GCFC2: variants seen among roughly 807,000 people sequenced by gnomAD.
GCFC2 encodes the protein intron Large complex component GCFC2.
In GCFC2, 102 loss-of-function variants were observed where a neutral mutation model predicts 99.4. The observed-to-expected ratio is 1.03, with a 90% confidence interval of 0.87 to 1.21. The LOEUF (loss-of-function observed/expected upper bound fraction) is 1.21. GCFC2 is among the 50% of genes most tolerant of loss of function. The probability of loss-of-function intolerance (pLI) is 0.00; values close to 1 mark genes in which losing one functional copy is unlikely to be tolerated. For missense variants in GCFC2, 973 were observed against 920.9 expected (o/e 1.06, Z -0.73); for synonymous variants, 338 against 316.8 (o/e 1.07, Z -0.71).
intron 13 of GCFC2, among the ~76,000 whole-genome samples, chr2:75,673,127 G>A (rs753463110): frequency 6.6e-6 from 1 of 152,108 alleles, no homozygotes; most frequent in Non-Finnish European, 1.5e-5. Context: ...TGGCTAACAT[G>A]GTGAAACCCC....
chr2:75,712,742 G>C (rs1304132129), upstream of GCFC2, among the ~76,000 whole-genome samples: 1 of 152,016 alleles, frequency 6.6e-6, no homozygotes, highest in Non-Finnish European at 1.5e-5. Flanking sequence ...CCAGAAGGAA[G>C]AAACTCCAAA....
At chr2:75,711,711 C>T (rs896375874), upstream of GCFC2, among the ~76,000 whole-genome samples, 2 of 152,220 alleles carry the variant, frequency 1.3e-5, no homozygotes, top group African/African-American at 4.8e-5. Context: ...AGGGACTTGG[C>T]ACCCGGGCCA....
chr2:75,686,599 C>T lies in GCFC2; in HGVS notation c.1690+1228G>A, dbSNP rs567909930. On this transcript the variant is annotated intron_variant, in intron 11 of 16. Transcript: ENST00000321027. ...TCTAAAAAAATCTTTTAAAAATTAG[C>T]TGGGTATGGTGGCACGCGCCTGGAG... is the stretch of plus-strand genomic sequence containing the variant. 1.4e-4 allele frequency among the ~76,000 whole-genome samples: 22 copies of T among 152,138 alleles called. No homozygotes were observed. The East Asian group carries it at 3.7e-3, about 25-fold the overall frequency.
rs780470265 is a variant in GCFC2 at position 75,706,553 on chromosome 2, A to G, written c.364T>C (p.Ser122Pro). ...DQGLSSDSSS[S>P]LGEKELSSTV... ...GATGAAAGTTCTTTTTCTCCAAGAG[A>G]GCTAGAACTGTCAGAAGACAAACCC... Residue 122 changes from serine to proline, a missense_variant, in exon 2 of 17, where the codon TCT becomes CCT. By Grantham distance (74) the Ser-to-Pro change is moderately conservative. Coordinates refer to ENST00000321027, the MANE Select transcript of GCFC2 (RefSeq NM_003203.5). The G allele has an allele frequency of 1.2e-6, 2 of 1,604,726 alleles. No individual in the cohort carries two copies. The highest frequency in any genetic ancestry group is 1.7e-6 in the Non-Finnish European group (2 of 1,172,224).
At chr2:75,669,827 C>T (rs142897546) in intron 15 of GCFC2, among the ~76,000 whole-genome samples, 92 of 152,064 alleles carry the variant, frequency 6.1e-4, no homozygotes, top group African/African-American at 1.7e-3. Context: ...TGGGTTCAGG[C>T]GATTCTTCTG....
intron 7 of GCFC2, among the ~76,000 whole-genome samples, chr2:75,691,121 C>T (rs1244716981): frequency 6.6e-6 from 1 of 152,160 alleles, no homozygotes; most frequent in African/African-American, 2.4e-5. Flanking sequence ...GAACCCCAGT[C>T]GATGCCTGAA....
chr2:75,665,711 T>C (rs3213670), intron 16 of GCFC2, among the ~76,000 whole-genome samples: 15,299 of 152,284 alleles, frequency 0.1, 814 homozygotes, highest in Non-Finnish European at 0.13. Context: ...CCCTGTGCTA[T>C]AGTTTTTTGA....
chr2:75,673,300 T>A, intron 13 of GCFC2, 144 bp downstream of exon 13: 3 of 595,464 alleles, frequency 5.0e-6, no homozygotes. Flanking sequence ...AGAGTGAGAC[T>A]CAGTCTCAAA....
intron 13 of GCFC2, 41 bp from the exon 14 acceptor site, chr2:75,672,057 A>C: frequency 9.1e-7 from 1 of 1,093,832 alleles, no homozygotes; most frequent in Non-Finnish European, 1.4e-6. Context: ...AATGCAAAGA[A>C]CTATTAGTCT....
intron 3 of GCFC2, 34 bp downstream of exon 3, chr2:75,702,165 A>G: frequency 6.3e-7 from 1 of 1,584,610 alleles, no homozygotes. Context: ...CTAATAAAAA[A>G]TATCCTAATC....
At chr2:75,694,173 A>T in intron 6 of GCFC2, 68 bp downstream of exon 6, 1 of 450,060 alleles carries the variant, frequency 2.2e-6, no homozygotes, top group Non-Finnish European at 4.0e-6. Flanking sequence ...TGAGATTTAG[A>T]CTTTTCTTAA....
At chr2:75,687,726 T>C (rs563356789) in intron 11 of GCFC2, 101 bp downstream of exon 11, 452 of 920,106 alleles carry the variant, frequency 4.9e-4, no homozygotes, top group Non-Finnish European at 7.0e-4. Flanking sequence ...TTCCTTGAGA[T>C]TAAAAACTTA....
Position 75,710,758 on chromosome 2 carries a change from C to G in GCFC2, c.98G>C (p.Arg33Thr), listed in dbSNP as rs1052943874. Residue 33 changes from arginine (R) to threonine (T), a missense_variant, in exon 1 of 17, where the codon AGG (arginine) becomes ACG (threonine). Transcript: ENST00000321027. The part of the protein sequence containing the change: ...EESPAEPGAP[R>T]ELPVPGSAEE... ...CGCAGAACCCGGGACCGGAAGTTCC[C>G]TCGGCGCCCCAGGCTCAGCAGGCGA... 1 of 1,567,834 alleles carries G rather than the reference C, an allele frequency of 6.4e-7. No homozygotes were observed. Among genetic ancestry groups the G allele is most frequent in the East Asian group, 2.4e-5 (1 of 41,570 alleles).
At chr2:75,691,813 T>C (rs1217621772) in intron 7 of GCFC2, among the ~76,000 whole-genome samples, 164 bp downstream of exon 7, 1 of 152,218 alleles carries the variant, frequency 6.6e-6, no homozygotes, top group Non-Finnish European at 1.5e-5. Context: ...TTTAAAACAT[T>C]CTTAAGTCCT....
chr2:75,705,793 C>T (rs926317294), intron 2 of GCFC2, among the ~76,000 whole-genome samples: 4 of 152,052 alleles, frequency 2.6e-5, no homozygotes, highest in South Asian at 2.1e-4. Flanking sequence ...AAGGAGTCCA[C>T]GGCACAAAAC....
chr2:75,707,748 C>T (rs1680938802), intron 1 of GCFC2, among the ~76,000 whole-genome samples: 1 of 150,048 alleles, frequency 6.7e-6, no homozygotes, highest in Admixed American at 6.7e-5. Flanking sequence ...ACAATAATAA[C>T]ATGTTATTTG....
intron 11 of GCFC2, among the ~76,000 whole-genome samples, chr2:75,686,343 C>T (rs1376190248): frequency 6.6e-6 from 1 of 152,054 alleles, no homozygotes; most frequent in Non-Finnish European, 1.5e-5. Context: ...TCAAGCGATC[C>T]TTCTGCCTCG....
chr2:75,689,855 G>T, intron 9 of GCFC2, 114 bp downstream of exon 9: 1 of 614,250 alleles, frequency 1.6e-6, no homozygotes, highest in Non-Finnish European at 2.9e-6. Flanking sequence ...CATTTTTCCT[G>T]AATTTACCCA....
upstream of GCFC2, among the ~76,000 whole-genome samples, chr2:75,712,257 A>G (rs571339417): frequency 8.6e-6 from 1 of 116,362 alleles, no homozygotes; most frequent in Admixed American, 8.7e-5. Context: ...AAAAACACCA[A>G]TCGGCACTCT....
Sources: gnomAD v4.1 joint callset for allele counts (sites outside exome capture counted in the v4.1 genomes callset) on GRCh38, gnomAD v4.1.1 for gene constraint, MANE v1.5 for transcripts, NCBI Gene and HGNC (gene_info 2026-07-23, HGNC 2026-07-21) for gene names.